SYT16: variants seen among roughly 807,000 people sequenced by gnomAD.
The protein encoded by SYT16 is synaptotagmin-16.
A neutral mutation model predicts 61.4 loss-of-function variants in SYT16; 42 were observed. The observed-to-expected ratio is 0.68, with a 90% CI of 0.53 to 0.89. The LOEUF (loss-of-function observed/expected upper bound fraction) is 0.89. SYT16 is among the 40% of genes least tolerant of loss of function. The probability of loss-of-function intolerance (pLI) is 0.00; values close to 1 mark genes in which losing one functional copy is unlikely to be tolerated. For missense variants in SYT16, 804 were observed against 807.3 expected (o/e 1.00, Z 0.05); for synonymous variants, 314 against 302.3 (o/e 1.04, Z -0.40).
At chr14:61,984,130 G>C (rs953337615) in intron 2 of SYT16, among the ~76,000 whole-genome samples, 1 of 152,118 alleles carries the variant, frequency 6.6e-6, no homozygotes, top group Non-Finnish European at 1.5e-5. Flanking sequence ...GTTTTTTAAA[G>C]GTTTGCATTT....
chr14:61,946,673 G>T (rs1277771343), intron 1 of SYT16, among the ~76,000 whole-genome samples: 1 of 152,152 alleles, frequency 6.6e-6, no homozygotes, highest in Non-Finnish European at 1.5e-5. Flanking sequence ...AGAGAAATGG[G>T]CACTGAATAA....
At chr14:62,020,731 C>T (rs1241441914) in intron 3 of SYT16, among the ~76,000 whole-genome samples, 1 of 152,174 alleles carries the variant, frequency 6.6e-6, no homozygotes, top group Non-Finnish European at 1.5e-5. Context: ...TCAGGAGCCT[C>T]CTAGGATCAA....
intron 3 of SYT16, among the ~76,000 whole-genome samples, chr14:62,049,580 T>C (rs563125742): frequency 6.6e-6 from 1 of 152,372 alleles, no homozygotes; most frequent in South Asian, 2.1e-4. Flanking sequence ...CTTGATGGTC[T>C]TTACAATTTG....
intron 1 of SYT16, among the ~76,000 whole-genome samples, chr14:61,916,833 A>G (rs1245873868): frequency 6.6e-6 from 1 of 152,148 alleles, no homozygotes; most frequent in Non-Finnish European, 1.5e-5. Context: ...ATAAGTAAGA[A>G]CATGAGATAT....
At chr14:61,818,284 A>C (rs2045504489) in intron 1 of SYT16, among the ~76,000 whole-genome samples, 1 of 152,134 alleles carries the variant, frequency 6.6e-6, no homozygotes, top group African/African-American at 2.4e-5. Flanking sequence ...GGCATTTTGA[A>C]GGCAAATCCA....
At chr14:62,016,539 C>CAAAAAAAAAAAAA (rs10610233) in intron 3 of SYT16, among the ~76,000 whole-genome samples, 1 of 97,298 alleles carries the variant, frequency 1.0e-5, no homozygotes, top group African/African-American at 3.8e-5. Context: ...TCTAAAAATA[C>CAAAAAAAAAAAAA]AAAAAAAAAA....
At chr14:62,039,103 C>T in intron 3 of SYT16, among the ~76,000 whole-genome samples, 1 of 152,184 alleles carries the variant, frequency 6.6e-6, no homozygotes, top group East Asian at 1.9e-4. Context: ...ATTCTAAATC[C>T]TTTATGCTTC....
intron 3 of SYT16, among the ~76,000 whole-genome samples, chr14:62,036,335 G>A (rs1364286065): frequency 1.3e-5 from 2 of 152,118 alleles, no homozygotes; most frequent in Non-Finnish European, 2.9e-5. Context: ...TGGAAGCGGA[G>A]ATGGGCAGGG....
intron 1 of SYT16, among the ~76,000 whole-genome samples, chr14:61,849,614 A>G (rs2046549328): frequency 1.3e-5 from 2 of 152,066 alleles, no homozygotes; most frequent in South Asian, 2.1e-4. Context: ...CTGAGTTCCA[A>G]TGCAAAGTCC....
chr14:62,009,248 G>T (rs1005832652), intron 3 of SYT16, among the ~76,000 whole-genome samples: 9 of 152,126 alleles, frequency 5.9e-5, no homozygotes, highest in African/African-American at 1.9e-4. Flanking sequence ...AGGTTTACAG[G>T]CTCCTTTGAA....
At chr14:61,860,135 CACT>C (rs2046920487) in intron 1 of SYT16, among the ~76,000 whole-genome samples, 1 of 152,144 alleles carries the variant, frequency 6.6e-6, no homozygotes, top group Non-Finnish European at 1.5e-5. Flanking sequence ...TGGAAAAAGT[CACT>C]CTAGGTTGCA....
At position 62,111,975 on chromosome 14, in the gene SYT16, C is replaced by A. The variant is rs900369310; in HGVS notation, c.*11268C>A. Reference sequence around the variant, plus strand: ...TAGAATGTAATGACCCATCCTATTTCTAAATTTACTTCTATCAGTGGATAA... The same window carrying A: ...TAGAATGTAATGACCCATCCTATTTATAAATTTACTTCTATCAGTGGATAA... On this transcript the variant is annotated 3_prime_UTR_variant, in exon 8 of 8. Transcript: ENST00000683842. 7.2e-5 allele frequency: 11 copies of A among 152,066 alleles called. No individual in the cohort carries two copies. The highest frequency in any genetic ancestry group is 2.7e-4 in the African/African-American group (11 of 41,428). The allele number at this position is 152,066 out of a possible 1,614,324, so 9.4% of individuals were successfully genotyped here. A position where few individuals can be genotyped will look rare whatever the true frequency, so the allele number is the denominator to read the frequency against.
intron 3 of SYT16, among the ~76,000 whole-genome samples, chr14:62,018,935 G>T (rs1030460300): frequency 3.3e-5 from 5 of 152,148 alleles, no homozygotes; most frequent in Non-Finnish European, 5.9e-5. Flanking sequence ...CTGCATCTGC[G>T]CTTGCCTCAT....
chr14:61,909,766 A>G (rs2048857056), intron 1 of SYT16, among the ~76,000 whole-genome samples: 1 of 152,234 alleles, frequency 6.6e-6, no homozygotes, highest in Non-Finnish European at 1.5e-5. Flanking sequence ...TATAGCTTGT[A>G]ATGGCCCGAG....
chr14:61,949,340 A>G (rs947881808), intron 1 of SYT16, among the ~76,000 whole-genome samples: 5 of 152,142 alleles, frequency 3.3e-5, no homozygotes, highest in African/African-American at 1.2e-4. Flanking sequence ...TATATCCACT[A>G]TGTTTCTCTG....
intron 1 of SYT16, among the ~76,000 whole-genome samples, chr14:61,862,509 G>A (rs79529609): frequency 0.016 from 2,476 of 152,250 alleles, 44 homozygotes; most frequent in Middle Eastern, 0.041. Flanking sequence ...TAAAATTGAA[G>A]GGGAGGTGCA....
At chr14:61,905,775 TG>T (rs11343189) in intron 1 of SYT16, among the ~76,000 whole-genome samples, 133 of 13,048 alleles carry the variant, frequency 0.01, no homozygotes, top group African/African-American at 0.037. Context: ...TTTTTTTTTT[TG>T]GGGATAAATC....
chr14:61,907,232 G>C (rs1004527514), intron 1 of SYT16, among the ~76,000 whole-genome samples: 4 of 152,150 alleles, frequency 2.6e-5, no homozygotes, highest in African/African-American at 9.7e-5. Context: ...CTTGGTTATG[G>C]TTGCTTTGAG....
intron 3 of SYT16, among the ~76,000 whole-genome samples, chr14:62,007,478 C>T (rs1274733389): frequency 6.6e-6 from 1 of 152,092 alleles, no homozygotes. Flanking sequence ...TTTTGATTTG[C>T]ATGTTTTAGC....
Sources: gnomAD v4.1 joint callset for allele counts (sites outside exome capture counted in the v4.1 genomes callset) on GRCh38, gnomAD v4.1.1 for gene constraint, MANE v1.5 for transcripts, NCBI Gene and HGNC (gene_info 2026-07-23, HGNC 2026-07-21) for gene names.